Variants in CMYA5 observed in about 807,000 individuals in gnomAD.
The protein encoded by CMYA5 is cardiomyopathy-associated protein 5.
CMYA5 carries 246 observed loss-of-function variants against 318.9 expected under a neutral mutation model. That is an observed-to-expected ratio of 0.77 (90% CI 0.70 to 0.86). CMYA5 has a LOEUF of 0.86. Ranked by LOEUF, CMYA5 falls within the 40% of genes least tolerant of loss-of-function variation. CMYA5 has a pLI of 0.00. For synonymous variants in CMYA5, 1,641 were observed against 1,729.5 expected, an observed-to-expected ratio of 0.95 and a Z score of 1.27; for missense variants, 4,589 against 4,678.2, an observed-to-expected ratio of 0.98 and a Z score of 0.56.
At chr5:79,695,028 A>AT (rs1291647057) in intron 1 of CMYA5, among the ~76,000 whole-genome samples, 1 of 152,190 alleles carries the variant, frequency 6.6e-6, no homozygotes, top group Non-Finnish European at 1.5e-5. Context: ...AATTATTACT[A>AT]TTTTTTCTTT....
intron 6 of CMYA5, among the ~76,000 whole-genome samples, chr5:79,753,544 T>C (rs902531641): frequency 1.3e-5 from 2 of 151,860 alleles, no homozygotes; most frequent in African/African-American, 4.8e-5. Flanking sequence ...AGCCTAAGGG[T>C]TCGAATCCAG....
intron 1 of CMYA5, among the ~76,000 whole-genome samples, chr5:79,712,567 T>C (rs1827417697): frequency 6.6e-6 from 1 of 152,120 alleles, no homozygotes; most frequent in African/African-American, 2.4e-5. Context: ...TGCCAAACAC[T>C]ATATTAGGTA....
chr5:79,716,314 C>T (rs1317220418), intron 1 of CMYA5, among the ~76,000 whole-genome samples: 1 of 152,192 alleles, frequency 6.6e-6, no homozygotes, highest in Non-Finnish European at 1.5e-5. Flanking sequence ...TACAGGACAA[C>T]AATGTGATTT....
In CMYA5 at chr5:79,732,618, C is replaced by G. The variant is rs2080576933; in HGVS notation, c.3853C>G (p.Leu1285Val). 1 of 1,613,340 alleles carries G rather than the reference C, an allele frequency of 6.2e-7. No individual in the cohort carries two copies. Among genetic ancestry groups the G allele is most frequent in the Non-Finnish European group, 8.5e-7 (1 of 1,179,638 alleles). ...EPEVIKPYSP[L>V]KETSLSGPEA... ...TGAAGTAATAAAACCATATTCACCTCTAAAGGAAACATCTTTATCTGGACC... is the reference window on the plus strand; with the variant it reads ...TGAAGTAATAAAACCATATTCACCTGTAAAGGAAACATCTTTATCTGGACC... Residue 1285 changes from leucine (L) to valine (V), a missense_variant, in exon 2 of 13, where the codon CTA becomes GTA. Physicochemically the swap from Leu to Val is conservative, Grantham distance 32. This residue lies in a region of CMYA5 where 2,132 missense variants were observed against 2,131.3 expected (regional missense o/e 1.00). Coordinates refer to ENST00000446378, the MANE Select transcript of CMYA5 (RefSeq NM_153610.5).
At chr5:79,749,399 C>T (rs1828390389) in intron 5 of CMYA5, among the ~76,000 whole-genome samples, 2 of 152,146 alleles carry the variant, frequency 1.3e-5, no homozygotes. Flanking sequence ...ATGTTCCTTT[C>T]TATAAGAAGT....
chr5:79,799,258 T>C, intron 12 of CMYA5, 112 bp from the exon 13 acceptor site: 2 of 1,097,974 alleles, frequency 1.8e-6, no homozygotes, highest in Non-Finnish European at 2.6e-6. Flanking sequence ...TTGCAACTCC[T>C]TATTGTGAAG....
Position 79,738,491 on chromosome 5 carries a change from A to G in CMYA5, c.9726A>G (p.Ile3242Met). The G allele has an allele frequency of 6.2e-7, 1 of 1,613,476 alleles. No individual in the cohort carries two copies. The change falls in exon 2 of 13, where the codon ATA becomes ATG. Residue 3242 changes from isoleucine (I) to methionine (M), a missense_variant. Transcript: ENST00000446378. ...CAGGAATATATTTTGAGAAGTACAT[A>G]CTCAAAGATGACATTCTCCATGACA... ...DGTGIYFEKY[I>M]LKDDILHDTS... is the part of the protein sequence containing the mutation.
rs1320779502 is a variant in CMYA5, at chr5:79,772,016, T to TA, written c.11555+8815dup. Among the ~76,000 whole-genome samples, 7 of 149,886 alleles carry TA rather than the reference T, an allele frequency of 4.7e-5. No individual in the cohort carries two copies. The East Asian group carries it at 9.8e-4, about 21-fold the overall frequency. Reference sequence around the variant, plus strand: ...CTGATTATCCTGGGGACTTTGCAACTAAAAAAAAGGAAAAAGAAAAGAAAA... The same window carrying TA: ...CTGATTATCCTGGGGACTTTGCAACTAAAAAAAAAGGAAAAAGAAAAGAAAA... On this transcript the variant is annotated intron_variant, in intron 9 of 12. Transcript: ENST00000446378.
intron 1 of CMYA5, among the ~76,000 whole-genome samples, chr5:79,719,890 A>T (rs1262111742): frequency 2.0e-5 from 3 of 152,248 alleles, no homozygotes; most frequent in East Asian, 3.8e-4. Flanking sequence ...ACTTTGTCAG[A>T]GAACTGAAAG....
intron 6 of CMYA5, among the ~76,000 whole-genome samples, chr5:79,756,151 A>G (rs1239720765): frequency 1.5e-5 from 2 of 130,370 alleles, no homozygotes; most frequent in African/African-American, 5.5e-5. Context: ...CTTATTTAGA[A>G]TGTGACATCC....
Position 79,729,759 on chromosome 5 carries a change from C to A in CMYA5, c.994C>A (p.Leu332Ile). 1.2e-6 allele frequency: 2 copies of A among 1,613,926 alleles called. No individual in the cohort carries two copies. The highest frequency in any genetic ancestry group is 2.2e-5 in the South Asian group (2 of 91,066). Residue 332 changes from leucine to isoleucine, a missense_variant, in exon 2 of 13, where the codon CTA becomes ATA. Leu to Ile is a conservative substitution (Grantham distance 5). Around this residue, in one of 3 missense-constraint regions of CMYA5, gnomAD observed 2,132 missense variants for 2,131.3 expected, o/e 1.00. Coordinates refer to ENST00000446378, the MANE Select transcript of CMYA5 (RefSeq NM_153610.5). Reference sequence around the variant, plus strand: ...AAAGAAAATTTATGCTGATTCTCCCCTAAATGCCACATCTGCATTGGAGCA... The same window carrying A: ...AAAGAAAATTTATGCTGATTCTCCCATAAATGCCACATCTGCATTGGAGCA... The part of the protein sequence containing the change: ...DQKKIYADSP[L>I]NATSALEHTV...
At position 79,735,597 on chromosome 5, in the gene CMYA5, C is replaced by T; in HGVS notation, c.6832C>T (p.Pro2278Ser). 1 of 1,613,324 alleles carries T rather than the reference C, an allele frequency of 6.2e-7. No individual in the cohort carries two copies. The highest frequency in any genetic ancestry group is 8.5e-7 in the Non-Finnish European group (1 of 1,179,688). Residue 2278 changes from proline to serine, a missense_variant, in exon 2 of 13, where the codon CCA becomes TCA. By Grantham distance (74) the Pro-to-Ser change is moderately conservative. Coordinates refer to ENST00000446378, the MANE Select transcript of CMYA5 (RefSeq NM_153610.5). The part of the protein sequence containing the change: ...ILSNVEDLQQ[P>S]KFISEVSRED... ...ATCAAATGTAGAAGATTTACAACAG[C>T]CAAAATTCATTTCTGAGGTGTCTAG...
intron 9 of CMYA5, among the ~76,000 whole-genome samples, chr5:79,786,963 G>A (rs146329849): frequency 6.6e-6 from 1 of 152,292 alleles, no homozygotes; most frequent in African/African-American, 2.4e-5. Flanking sequence ...ACTGAAAGCA[G>A]GACGGATCCC....
In CMYA5 at chr5:79,730,038, G is replaced by GAAGAT. The variant is rs1827849582; in HGVS notation, c.1274_1278dup (p.Val427LysfsTer36). 1.2e-6 allele frequency: 2 copies of GAAGAT among 1,613,978 alleles called. No individual in the cohort carries two copies. Among genetic ancestry groups the GAAGAT allele is most frequent in the Non-Finnish European group, 1.7e-6 (2 of 1,179,900 alleles). ...ATCATTTGCTAATGAGGTAAAGAAG[G>GAAGAT]AAGATGTGTATTCTGCTCACCATTC... On this transcript the variant is annotated frameshift_variant, in exon 2 of 13. Coordinates refer to ENST00000446378, the MANE Select transcript of CMYA5 (RefSeq NM_153610.5). LOFTEE classifies it high-confidence loss of function.
rs1243774065 is a variant in CMYA5 at position 79,733,506 on chromosome 5, G to GC, written c.4745dup (p.Thr1583AsnfsTer7). On this transcript the variant is annotated frameshift_variant, in exon 2 of 13. Transcript: ENST00000446378. LOFTEE classifies it high-confidence loss of function. ...GTTGGAAAATTTAGCATCAGGTTTA[G>GC]CCCCAACATTACTGCTCCTCAGTGA... 6.2e-7 allele frequency: 1 copy of GC among 1,613,956 alleles called. No homozygotes were observed. Among genetic ancestry groups the GC allele is most frequent in the Non-Finnish European group, 8.5e-7 (1 of 1,179,840 alleles).
In CMYA5 at chr5:79,729,789, G is replaced by A; in HGVS notation, c.1024G>A (p.Val342Ile). Residue 342 changes from valine (V) to isoleucine (I), a missense_variant, in exon 2 of 13, where the codon GTT becomes ATT. Coordinates refer to ENST00000446378, the MANE Select transcript of CMYA5 (RefSeq NM_153610.5). Reference protein sequence around the residue: ...LNATSALEHTVPSYSSSGRAE... With the variant: ...LNATSALEHTIPSYSSSGRAE... The stretch of plus-strand genomic sequence containing the variant: ...TGCCACATCTGCATTGGAGCACACA[G>A]TTCCCTCTTATTCAAGTAGTGGCAG... The A allele has an allele frequency of 6.2e-7, 1 of 1,613,900 alleles. No individual in the cohort carries two copies. The highest frequency in any genetic ancestry group is 1.7e-5 in the Admixed American group (1 of 60,000).
chr5:79,736,507 G>A lies in CMYA5; in HGVS notation c.7742G>A (p.Gly2581Asp), dbSNP rs749788834. 1 of 1,612,712 alleles carries A rather than the reference G, an allele frequency of 6.2e-7. No homozygotes were observed. The highest frequency in any genetic ancestry group is 2.2e-5 in the East Asian group (1 of 44,842). Reference sequence around the variant, plus strand: ...GATATCTCTTTAGGTCATTCTTTGGGTGAAACTCAATCATTTTCATTAGTT... The same window carrying A: ...GATATCTCTTTAGGTCATTCTTTGGATGAAACTCAATCATTTTCATTAGTT... The part of the protein sequence containing the change: ...ESDISLGHSL[G>D]ETQSFSLVKA... Residue 2581 changes from glycine (G) to aspartate (D), a missense_variant, in exon 2 of 13, where the codon GGT (glycine) becomes GAT (aspartate). This residue lies in a region of CMYA5 where 2,431 missense variants were observed against 2,495.1 expected (regional missense o/e 0.97). Transcript: ENST00000446378.
chr5:79,692,060 A>G (rs544123773), intron 1 of CMYA5, among the ~76,000 whole-genome samples: 1 of 152,338 alleles, frequency 6.6e-6, no homozygotes, highest in East Asian at 1.9e-4. Flanking sequence ...CCAAAGTTTT[A>G]TCATGCAGAT....
In CMYA5 at chr5:79,737,845, CAAA is replaced by C. The variant is rs779945809; in HGVS notation, c.9082_9084del (p.Lys3028del). 2 of 1,602,654 alleles carry C rather than the reference CAAA, an allele frequency of 1.2e-6. No individual in the cohort carries two copies. Among genetic ancestry groups the C allele is most frequent in the Non-Finnish European group, 1.7e-6 (2 of 1,177,154 alleles). On this transcript the variant is annotated inframe_deletion, in exon 2 of 13. Coordinates refer to ENST00000446378, the MANE Select transcript of CMYA5 (RefSeq NM_153610.5). ...AATAAACAAAAGGAAACTCATAAGACAAAAGAAGAGATATCCACAGATTCAGAA... is the reference window on the plus strand; with the variant it reads ...AATAAACAAAAGGAAACTCATAAGACAGAAGAGATATCCACAGATTCAGAA...
Sources: allele counts gnomAD v4.1 joint callset (sites outside exome capture counted in the v4.1 genomes callset), GRCh38; gene constraint gnomAD v4.1.1; regional missense constraint gnomAD v4.1.1; transcripts MANE v1.5; gene names NCBI Gene and HGNC (gene_info 2026-07-23, HGNC 2026-07-21).